NCALD: variants seen among roughly 807,000 people sequenced by gnomAD.
The protein encoded by NCALD is neurocalcin-delta.
In NCALD, 10 loss-of-function variants were observed where a neutral mutation model predicts 18.6. The ratio of observed to expected loss-of-function variants is 0.54; its 90% CI spans 0.33 to 0.91. NCALD has a LOEUF of 0.91. NCALD is among the 40% of genes least tolerant of loss of function. NCALD has a pLI of 0.03. For missense variants in NCALD, 184 were observed against 247.6 expected (o/e 0.74, Z 1.72); for synonymous variants, 88 against 87.4 (o/e 1.01, Z -0.04).
intron 2 of NCALD, among the ~76,000 whole-genome samples, chr8:101,957,422 A>G (rs945538991): frequency 1.3e-5 from 2 of 151,800 alleles, no homozygotes; most frequent in African/African-American, 2.4e-5. Flanking sequence ...TCAGTCTAAA[A>G]TACTGACTGC....
chr8:102,087,079 C>T (rs950116217), intron 1 of NCALD, among the ~76,000 whole-genome samples: 3 of 152,172 alleles, frequency 2.0e-5, no homozygotes, highest in African/African-American at 2.4e-5. Context: ...CAGCCCTCAG[C>T]GCTGCTCTGC....
intron 3 of NCALD, among the ~76,000 whole-genome samples, chr8:101,889,782 C>A (rs1007846779): frequency 1.3e-5 from 2 of 152,150 alleles, no homozygotes; most frequent in African/African-American, 4.8e-5. Context: ...TCTCATCCAC[C>A]TGGCTATTAC....
intron 1 of NCALD, among the ~76,000 whole-genome samples, chr8:101,735,116 T>C (rs747669990): frequency 2.6e-5 from 4 of 152,084 alleles, no homozygotes; most frequent in Middle Eastern, 3.4e-3. Flanking sequence ...GAAAGCAGGA[T>C]AAAATGATAG....
At chr8:101,865,172 T>C (rs1164098013) in intron 4 of NCALD, among the ~76,000 whole-genome samples, 3 of 152,228 alleles carry the variant, frequency 2.0e-5, no homozygotes, top group South Asian at 2.1e-4. Context: ...TTTTGAATGA[T>C]GAAAACTCAC....
chr8:101,925,458 A>C (rs1017859296), intron 2 of NCALD, among the ~76,000 whole-genome samples: 2 of 152,128 alleles, frequency 1.3e-5, no homozygotes, highest in Non-Finnish European at 2.9e-5. Flanking sequence ...GACACATATA[A>C]ACATGAATAA....
At chr8:101,830,406 C>G (rs1015135258) in intron 4 of NCALD, among the ~76,000 whole-genome samples, 6 of 151,996 alleles carry the variant, frequency 3.9e-5, no homozygotes, top group African/African-American at 1.4e-4. Context: ...ATTAAAAATA[C>G]AAAAGTTAGC....
At chr8:101,790,240 G>A (rs569760120) in intron 1 of NCALD, among the ~76,000 whole-genome samples, 1 of 152,146 alleles carries the variant, frequency 6.6e-6, no homozygotes, top group Admixed American at 6.5e-5. Context: ...ACATGTAAAA[G>A]GTTCCACCCC....
chr8:101,785,150 T>C (rs994075241), intron 1 of NCALD, among the ~76,000 whole-genome samples: 1 of 152,218 alleles, frequency 6.6e-6, no homozygotes, highest in East Asian at 1.9e-4. Flanking sequence ...TCCTCATTTA[T>C]AAAACTAGAA....
chr8:101,701,619 G>A (rs964999249), intron 2 of NCALD, among the ~76,000 whole-genome samples: 2 of 152,206 alleles, frequency 1.3e-5, no homozygotes, highest in African/African-American at 2.4e-5. Context: ...GGTCTGGGAA[G>A]GGAGGACTCA....
intron 4 of NCALD, among the ~76,000 whole-genome samples, chr8:101,804,530 A>G (rs1273309800): frequency 1.6e-5 from 2 of 123,192 alleles, no homozygotes; most frequent in African/African-American, 7.5e-5. Context: ...CAAAGATTAT[A>G]TAATATATAA....
chr8:101,751,654 A>G (rs1810665550), intron 1 of NCALD, among the ~76,000 whole-genome samples: 1 of 152,198 alleles, frequency 6.6e-6, no homozygotes, highest in African/African-American at 2.4e-5. Flanking sequence ...ACTGGGGCAG[A>G]ACTTTCCTCA....
intron 2 of NCALD, among the ~76,000 whole-genome samples, chr8:101,929,443 G>A (rs1168747086): frequency 1.3e-4 from 7 of 52,046 alleles, no homozygotes; most frequent in African/African-American, 7.0e-4. Context: ...GGAAGGAAAG[G>A]AGGGAGGGAG....
chr8:102,017,766 G>T (rs1822139994), intron 2 of NCALD, among the ~76,000 whole-genome samples: 1 of 152,166 alleles, frequency 6.6e-6, no homozygotes, highest in Non-Finnish European at 1.5e-5. Context: ...TCACCAAAAT[G>T]TAAAACTTTC....
At chr8:101,832,793 C>T (rs928876934) in intron 4 of NCALD, among the ~76,000 whole-genome samples, 7 of 152,134 alleles carry the variant, frequency 4.6e-5, no homozygotes, top group Middle Eastern at 3.2e-3. Context: ...GGACGACTGC[C>T]GTCTTGGCAC....
At chr8:101,925,076 A>C (rs1436377183) in intron 2 of NCALD, among the ~76,000 whole-genome samples, 2 of 152,198 alleles carry the variant, frequency 1.3e-5, no homozygotes, top group Non-Finnish European at 2.9e-5. Flanking sequence ...AAAAAAAATA[A>C]CACAAAGAAA....
At chr8:101,797,287 AT>A (rs1237584392) in intron 4 of NCALD, among the ~76,000 whole-genome samples, 1 of 152,206 alleles carries the variant, frequency 6.6e-6, no homozygotes, top group East Asian at 1.9e-4. Context: ...AAAAGGATAA[AT>A]AACTATAAAG....
intron 3 of NCALD, among the ~76,000 whole-genome samples, chr8:101,911,636 TA>T (rs1817805518): frequency 6.6e-6 from 1 of 152,134 alleles, no homozygotes; most frequent in African/African-American, 2.4e-5. Context: ...GGATTACAGG[TA>T]TGAACCACCA....
chr8:101,717,308 C>G (rs2035020158), intron 2 of NCALD, among the ~76,000 whole-genome samples: 1 of 152,188 alleles, frequency 6.6e-6, no homozygotes, highest in Non-Finnish European at 1.5e-5. Context: ...AAATTTATGA[C>G]TTGGAGTCCT....
intron 1 of NCALD, among the ~76,000 whole-genome samples, chr8:102,023,207 T>C (rs117606939): frequency 0.023 from 3,569 of 152,332 alleles, 64 homozygotes; most frequent in Middle Eastern, 0.037. Context: ...TTCCTGAATT[T>C]AGAGATGATG....
Sources: gnomAD v4.1 joint callset for allele counts (sites outside exome capture counted in the v4.1 genomes callset) on GRCh38, gnomAD v4.1.1 for gene constraint, MANE v1.5 for transcripts, NCBI Gene and HGNC (gene_info 2026-07-23, HGNC 2026-07-21) for gene names.